Variants in ECM2 observed in about 807,000 individuals in gnomAD.
The protein encoded by ECM2 is extracellular matrix protein 2.
Under a neutral mutation model 67.5 loss-of-function variants are expected in ECM2, and 57 were observed. The ratio of observed to expected loss-of-function variants is 0.84; its 90% CI spans 0.68 to 1.05. The LOEUF (loss-of-function observed/expected upper bound fraction) is 1.05. Ranked by LOEUF, ECM2 falls within the 50% of genes least tolerant of loss-of-function variation. The pLI, the probability that ECM2 is intolerant of heterozygous loss-of-function variation, is 0.00. For missense variants in ECM2, 741 were observed against 822.8 expected (o/e 0.90, Z 1.22); for synonymous variants, 258 against 294.5 (o/e 0.88, Z 1.27).
Position 92,496,064 on chromosome 9 carries a change from C to T in ECM2, c.*251G>A. 9.1e-7 allele frequency: 1 copy of T among 1,100,550 alleles called. No individual in the cohort carries two copies. Among genetic ancestry groups the T allele is most frequent in the East Asian group, 6.8e-5 (1 of 14,622 alleles). 68.2% of individuals were successfully genotyped at this position (1,100,550 alleles called of 1,614,324 possible). The stretch of plus-strand genomic sequence containing the variant: ...TGGTCTAGCTCAGTATGCATAATAT[C>T]CTATTCTAGTGAGATGGCCTCTTTC... On this transcript the variant is annotated 3_prime_UTR_variant, in exon 10 of 10. Coordinates refer to ENST00000344604, the MANE Select transcript of ECM2 (RefSeq NM_001393.4).
chr9:92,533,107 G>C (rs1170081984), intron 1 of ECM2, among the ~76,000 whole-genome samples: 1 of 151,016 alleles, frequency 6.6e-6, no homozygotes, highest in Non-Finnish European at 1.5e-5. Flanking sequence ...GACCAGCCTG[G>C]CCAATATGGT....
rs1221878770 is a variant in ECM2, at chr9:92,533,159, G to T, written c.-28+2774C>A. Among the ~76,000 whole-genome samples the T allele has an allele frequency of 5.3e-5, 8 of 150,648 alleles. No individual in the cohort carries two copies. The East Asian group carries it at 1.6e-3, about 29-fold the overall frequency. ...TAAAAATACAAAAAAAATTAGCTGG[G>T]TGTGGTGGCACGCGCGTGTAGTCCC... On this transcript the variant is annotated intron_variant, in intron 1 of 9. Coordinates refer to ENST00000344604, the MANE Select transcript of ECM2 (RefSeq NM_001393.4).
chr9:92,511,924 T>A, intron 5 of ECM2, 87 bp downstream of exon 5: 1 of 966,520 alleles, frequency 1.0e-6, no homozygotes, highest in Non-Finnish European at 1.5e-6. Context: ...TAGAAGCATT[T>A]TCCTTTTCCT....
the ECM2 span, among the ~76,000 whole-genome samples, chr9:92,546,697 G>A: frequency 3.0e-4 from 45 of 152,262 alleles, no homozygotes; most frequent in South Asian, 9.3e-3. Context: ...CTTCATTCTT[G>A]AAGTCAGTGA....
At chr9:92,558,598 A>C in the ECM2 span, among the ~76,000 whole-genome samples, 1 of 152,054 alleles carries the variant, frequency 6.6e-6, no homozygotes, top group African/African-American at 2.4e-5. Context: ...TTAATTATCT[A>C]TTTTTGTGCT....
In ECM2 at chr9:92,533,326, AAAATATAT is replaced by A. The variant is rs1400586623; in HGVS notation, c.-28+2599_-28+2606del. On this transcript the variant is annotated intron_variant, in intron 1 of 9. Coordinates refer to ENST00000344604, the MANE Select transcript of ECM2 (RefSeq NM_001393.4). The stretch of plus-strand genomic sequence containing the variant: ...AACAAAAAAAAAAAAAAAAAAAAAA[AAAATATAT>A]ATATATATATATATATATATATATG... 1.8e-4 allele frequency among the ~76,000 whole-genome samples: 12 copies of A among 67,810 alleles called. No homozygotes were observed. The East Asian group carries it at 2.2e-3, about 13-fold the overall frequency. The allele number at this position is 67,810 out of a possible 152,430, so 44.5% of individuals were successfully genotyped here. A position where few individuals can be genotyped will look rare whatever the true frequency, so the allele number is the denominator to read the frequency against.
At chr9:92,532,013 A>ATGTTT (rs1848794589) in intron 1 of ECM2, among the ~76,000 whole-genome samples, 1 of 68,914 alleles carries the variant, frequency 1.5e-5, no homozygotes, top group African/African-American at 1.2e-4. Context: ...TTTTTATTTA[A>ATGTTT]TGTTTTTTTT....
At chr9:92,552,467 T>C in the ECM2 span, among the ~76,000 whole-genome samples, 1 of 152,200 alleles carries the variant, frequency 6.6e-6, no homozygotes, top group Admixed American at 6.5e-5. Flanking sequence ...ACCAGCAGTG[T>C]AGAAGTGTTC....
chr9:92,546,332 G>A, the ECM2 span, among the ~76,000 whole-genome samples: 9 of 152,186 alleles, frequency 5.9e-5, no homozygotes, highest in Admixed American at 1.3e-4. Flanking sequence ...CCCACCAGAG[G>A]TCCCCTTCCA....
At chr9:92,555,521 G>A in the ECM2 span, among the ~76,000 whole-genome samples, 5 of 151,946 alleles carry the variant, frequency 3.3e-5, no homozygotes, top group Admixed American at 6.6e-5. Flanking sequence ...GAACCACTGC[G>A]CCTGGCCAGT....
chr9:92,513,570 C>T lies in ECM2; in HGVS notation c.1054+1061G>A, dbSNP rs578198786. Among the ~76,000 whole-genome samples, 6 of 152,308 alleles carry T rather than the reference C, an allele frequency of 3.9e-5. No individual in the cohort carries two copies. In the South Asian group the frequency reaches 1.2e-3, roughly 32 times the overall value. On this transcript the variant is annotated intron_variant, in intron 4 of 9. Coordinates refer to ENST00000344604, the MANE Select transcript of ECM2 (RefSeq NM_001393.4). ...CAGATGACGTTTAACTGATAGGAAA[C>T]CCTGCCCCATCCACATGATGGAACA...
At chr9:92,533,317 A>C (rs1271919519) in intron 1 of ECM2, among the ~76,000 whole-genome samples, 17 of 104,788 alleles carry the variant, frequency 1.6e-4, no homozygotes, top group African/African-American at 6.4e-4. Flanking sequence ...AAAAAAAAAA[A>C]AAAAAAAAAA....
intron 1 of ECM2, among the ~76,000 whole-genome samples, chr9:92,531,911 A>G (rs1848778155): frequency 6.6e-6 from 1 of 151,460 alleles, no homozygotes; most frequent in African/African-American, 2.4e-5. Flanking sequence ...CATTGTGAAG[A>G]TACGGTTGAT....
upstream of ECM2, chr9:92,536,042 T>C: frequency 2.0e-6 from 1 of 502,878 alleles, no homozygotes; most frequent in Middle Eastern, 3.2e-4. Flanking sequence ...GAAGGGAATG[T>C]TGAAAAGTAT....
intron 2 of ECM2, among the ~76,000 whole-genome samples, chr9:92,518,389 A>G (rs1847856804): frequency 6.6e-6 from 1 of 152,102 alleles, no homozygotes; most frequent in Admixed American, 6.6e-5. Context: ...CAGACTTCCC[A>G]AGCCGCCAGC....
intron 4 of ECM2, among the ~76,000 whole-genome samples, chr9:92,513,335 C>T (rs1035470051): frequency 6.6e-6 from 1 of 152,158 alleles, no homozygotes. Context: ...TGCAGAGAGG[C>T]AGGAGCTCCC....
At chr9:92,536,021 A>G (rs1849145621), upstream of ECM2, 1 of 509,356 alleles carries the variant, frequency 2.0e-6, no homozygotes, top group Non-Finnish European at 3.9e-6. Flanking sequence ...TTTAAAAACA[A>G]AGAAAGGACA....
In ECM2 at chr9:92,517,367, C is replaced by G. The variant is rs369947460; in HGVS notation, c.481+320G>C. ...ATGCACATATAGACCAAAGCAGAGC[C>G]CTTAATGCAATAAGAATTCAGGATC... On this transcript the variant is annotated intron_variant, in intron 3 of 9. Coordinates refer to ENST00000344604, the MANE Select transcript of ECM2 (RefSeq NM_001393.4). The G allele has an allele frequency of 1.4e-5, 7 of 516,182 alleles. No homozygotes were observed. In the East Asian group the frequency reaches 2.4e-4, roughly 17 times the overall value. The allele number at this position is 516,182 out of a possible 1,614,324, so 32.0% of individuals were successfully genotyped here.
the ECM2 span, among the ~76,000 whole-genome samples, chr9:92,553,703 T>A: frequency 6.6e-6 from 1 of 152,226 alleles, no homozygotes; most frequent in African/African-American, 2.4e-5. Flanking sequence ...AGTTCTTGAT[T>A]TAATTCTCCA....
Sources: gnomAD v4.1 joint callset for allele counts (sites outside exome capture counted in the v4.1 genomes callset) on GRCh38, gnomAD v4.1.1 for gene constraint, MANE v1.5 for transcripts, NCBI Gene and HGNC (gene_info 2026-07-23, HGNC 2026-07-21) for gene names.